The following GAS2 variants were observed in gnomAD, a reference collection of about 807,000 sequenced individuals.
The protein encoded by GAS2 is growth arrest-specific protein 2.
A neutral mutation model predicts 37.5 loss-of-function variants in GAS2; 20 were observed. The observed-to-expected ratio is 0.53, with a 90% confidence interval of 0.37 to 0.77. The LOEUF (loss-of-function observed/expected upper bound fraction) is 0.77, where lower values mean the gene tolerates loss of function less well. GAS2 is among the 30% of genes least tolerant of loss of function. The pLI, the probability that GAS2 is intolerant of heterozygous loss-of-function variation, is 0.00. For synonymous variants in GAS2, 144 were observed against 132.2 expected (o/e 1.09, Z -0.61); for missense variants, 336 against 373.4 (o/e 0.90, Z 0.82).
chr11:22,739,295 C>CCGGGCG (rs1852923402), intron 5 of GAS2, among the ~76,000 whole-genome samples: 1 of 151,928 alleles, frequency 6.6e-6, no homozygotes, highest in South Asian at 2.1e-4. Flanking sequence ...GGGAAGTTGG[C>CCGGGCG]CGGGCGCTGT....
chr11:22,717,536 A>G (rs746320389), intron 3 of GAS2, among the ~76,000 whole-genome samples: 1 of 152,164 alleles, frequency 6.6e-6, no homozygotes. Flanking sequence ...GGAAGAAAAC[A>G]TCAGGAAAAA....
chr11:22,721,980 G>A (rs1185125467), intron 3 of GAS2, among the ~76,000 whole-genome samples: 3 of 151,874 alleles, frequency 2.0e-5, no homozygotes, highest in Admixed American at 2.0e-4. Context: ...CATACACATA[G>A]TCAATGGGGT....
chr11:22,740,449 A>G (rs947171635), intron 5 of GAS2, among the ~76,000 whole-genome samples: 2 of 152,132 alleles, frequency 1.3e-5, no homozygotes, highest in African/African-American at 2.4e-5. Context: ...GGTGTGAACT[A>G]TTGTGTACCT....
At chr11:22,696,495 C>T (rs1383326610) in intron 3 of GAS2, among the ~76,000 whole-genome samples, 1 of 151,962 alleles carries the variant, frequency 6.6e-6, no homozygotes, top group Non-Finnish European at 1.5e-5. Context: ...ATTTCTAGTT[C>T]TAGATCCCTG....
intron 5 of GAS2, among the ~76,000 whole-genome samples, chr11:22,741,951 T>C (rs753040459): frequency 2.2e-4 from 33 of 152,128 alleles, no homozygotes; most frequent in Non-Finnish European, 4.1e-4. Context: ...TTGAAAACTC[T>C]AGACTACTAA....
At chr11:22,645,835 C>CT (rs1182957821) in intron 1 of GAS2, among the ~76,000 whole-genome samples, 2 of 106,278 alleles carry the variant, frequency 1.9e-5, no homozygotes, top group African/African-American at 3.7e-5. Flanking sequence ...TTTTCTTTTT[C>CT]TTTTCTTTTC....
chr11:22,787,410 A>G (rs1180123070), intron 7 of GAS2, among the ~76,000 whole-genome samples: 1 of 152,210 alleles, frequency 6.6e-6, no homozygotes, highest in Non-Finnish European at 1.5e-5. Flanking sequence ...TTTAATGTGC[A>G]TAACATACAA....
chr11:22,645,676 CCAAA>C (rs1006700638), intron 1 of GAS2, among the ~76,000 whole-genome samples: 105 of 151,706 alleles, frequency 6.9e-4, no homozygotes, highest in East Asian at 3.9e-3. Flanking sequence ...TGATATAATT[CCAAA>C]TAAATAAAGA....
rs190175529 is a variant in GAS2, at chr11:22,704,242, A to G, written c.267+18453A>G. ...TTAGGCACTTGGGTGAAGCCTGTGG[A>G]TCATTTCTCCTCATGCTATTTTTAA... On this transcript the variant is annotated intron_variant, in intron 3 of 7. Coordinates refer to ENST00000454584, the MANE Select transcript of GAS2 (RefSeq NM_001143830.3). 2.4e-3 allele frequency among the ~76,000 whole-genome samples: 360 copies of G among 152,196 alleles called. 2 individuals carry two copies. The highest frequency in any genetic ancestry group is 8.1e-3 in the African/African-American group (338 of 41,552).
intron 7 of GAS2, among the ~76,000 whole-genome samples, chr11:22,765,124 G>T (rs1466979313): frequency 6.6e-6 from 1 of 151,980 alleles, no homozygotes; most frequent in Admixed American, 6.5e-5. Flanking sequence ...TGACCTTCCT[G>T]CCATTAAGAT....
chr11:22,629,133 T>C (rs2133802688), intron 1 of GAS2, among the ~76,000 whole-genome samples: 1 of 152,290 alleles, frequency 6.6e-6, no homozygotes, highest in East Asian at 1.9e-4. Context: ...GATAAACATA[T>C]ACATGCAAGT....
Position 22,726,446 on chromosome 11 carries a change from T to C in GAS2, c.409+13T>C. 1.2e-6 allele frequency: 2 copies of C among 1,603,118 alleles called. No individual in the cohort carries two copies. ...TCGGAAGGTTTGGGTATGTATTAAC[T>C]TCAGAATTTTAGTTGATAAGATACG... On this transcript the variant is annotated intron_variant, in intron 4 of 7. Transcript: ENST00000454584.
At chr11:22,670,264 A>G (rs572635987) in intron 1 of GAS2, among the ~76,000 whole-genome samples, 89 of 151,888 alleles carry the variant, frequency 5.9e-4, no homozygotes, top group Admixed American at 5.8e-3. Context: ...CTGTGGGTTG[A>G]TTAGGATTCA....
chr11:22,730,515 C>A (rs1257485410), intron 4 of GAS2, among the ~76,000 whole-genome samples: 1 of 151,784 alleles, frequency 6.6e-6, no homozygotes, highest in Non-Finnish European at 1.5e-5. Context: ...ATAATACTCA[C>A]TCTGACCCCT....
At position 22,674,864 on chromosome 11, in the gene GAS2, T is replaced by C. The variant is rs763324702; in HGVS notation, c.-6T>C. On this transcript the variant is annotated 5_prime_UTR_variant, in exon 2 of 8. Coordinates refer to ENST00000454584, the MANE Select transcript of GAS2 (RefSeq NM_001143830.3). The stretch of plus-strand genomic sequence containing the variant: ...TTCCAAAACAGGTATTACAAGTGGA[T>C]AAATAATGTGCACTGCTCTGAGCCC... The C allele has an allele frequency of 8.3e-6, 13 of 1,575,478 alleles. No homozygotes were observed. The East Asian group carries it at 2.7e-4, about 33-fold the overall frequency.
chr11:22,631,750 T>C (rs1430527000), intron 1 of GAS2, among the ~76,000 whole-genome samples: 3 of 152,048 alleles, frequency 2.0e-5, no homozygotes, highest in Non-Finnish European at 4.4e-5. Context: ...TTTTTTTATC[T>C]GTTCATCAGA....
chr11:22,640,025 T>C (rs1369085017), intron 1 of GAS2, among the ~76,000 whole-genome samples: 1 of 152,162 alleles, frequency 6.6e-6, no homozygotes, highest in Non-Finnish European at 1.5e-5. Context: ...TACATTGTAA[T>C]CCATCATAGA....
intron 7 of GAS2, among the ~76,000 whole-genome samples, chr11:22,806,608 C>G (rs1486500073): frequency 6.6e-6 from 1 of 152,182 alleles, no homozygotes. Context: ...TTCTTGCCAA[C>G]ACTTGTTATC....
At chr11:22,698,627 A>T (rs1294795693) in intron 3 of GAS2, among the ~76,000 whole-genome samples, 1 of 149,780 alleles carries the variant, frequency 6.7e-6, no homozygotes, top group Non-Finnish European at 1.5e-5. Context: ...TCAATAAAAT[A>T]CTGGCAAACC....
Sources: allele counts gnomAD v4.1 joint callset (sites outside exome capture counted in the v4.1 genomes callset), GRCh38; gene constraint gnomAD v4.1.1; transcripts MANE v1.5; gene names NCBI Gene and HGNC (gene_info 2026-07-23, HGNC 2026-07-21).